Variants in LRBA observed in about 807,000 individuals in gnomAD.
The protein encoded by LRBA is LPS responsive beige-like anchor protein, also known as lipopolysaccharide-responsive and beige-like anchor protein.
A neutral mutation model predicts 330.0 loss-of-function variants in LRBA; 176 were observed. The observed-to-expected ratio is 0.53, with a 90% CI of 0.47 to 0.60. The LOEUF (loss-of-function observed/expected upper bound fraction) is 0.60, where lower values mean the gene tolerates loss of function less well. Among genes scored for constraint, LRBA ranks in the 20% least tolerant of loss-of-function variants. LRBA has a pLI of 0.00. For missense variants in LRBA, 3,259 were observed against 3,444.8 expected, an observed-to-expected ratio of 0.95 and a Z score of 1.35; for synonymous variants, 1,230 against 1,193.0, an observed-to-expected ratio of 1.03 and a Z score of -0.64.
intron 56 of LRBA, among the ~76,000 whole-genome samples, chr4:150,269,207 G>C (rs927342159): frequency 5.9e-5 from 9 of 152,108 alleles, no homozygotes; most frequent in African/African-American, 2.2e-4. Context: ...TCTTGAAAAA[G>C]AAGAAATATG....
At chr4:150,276,820 G>A (rs1177468104) in intron 56 of LRBA, among the ~76,000 whole-genome samples, 4 of 152,184 alleles carry the variant, frequency 2.6e-5, no homozygotes, top group African/African-American at 4.8e-5. Flanking sequence ...CTTTTACATC[G>A]TTGGTGGGAG....
intron 37 of LRBA, among the ~76,000 whole-genome samples, chr4:150,651,738 T>C (rs933910983): frequency 6.6e-6 from 1 of 152,126 alleles, no homozygotes; most frequent in African/African-American, 2.4e-5. Flanking sequence ...GACACAATAT[T>C]CTTCAGTAGG....
intron 28 of LRBA, among the ~76,000 whole-genome samples, chr4:150,840,140 T>A (rs2126868949): frequency 6.6e-6 from 1 of 152,354 alleles, no homozygotes; most frequent in East Asian, 1.9e-4. Flanking sequence ...TTGGCCTAAG[T>A]GTGCCTGGTT....
At chr4:150,738,007 T>TTC (rs1326086621) in intron 35 of LRBA, among the ~76,000 whole-genome samples, 2 of 144,768 alleles carry the variant, frequency 1.4e-5, no homozygotes, top group African/African-American at 2.7e-5. Context: ...TTTTTTTTTT[T>TTC]CTGAGACGAA....
At chr4:150,333,251 AGGGTAGGGGAGAAATAACTTAAACATAT>A (rs571142194) in intron 48 of LRBA, among the ~76,000 whole-genome samples, 179 of 152,222 alleles carry the variant, frequency 1.2e-3, no homozygotes, top group African/African-American at 4.2e-3. Flanking sequence ...TTTAAGATGT[AGGGTAGGGGAGAAATAACTTAAACATAT>A]GGACACAATT....
chr4:150,650,028 C>T (rs1227250193), intron 37 of LRBA, among the ~76,000 whole-genome samples: 1 of 152,124 alleles, frequency 6.6e-6, no homozygotes, highest in Non-Finnish European at 1.5e-5. Context: ...ATTTTTCAGG[C>T]ACACACTTTC....
intron 47 of LRBA, among the ~76,000 whole-genome samples, chr4:150,410,487 C>T (rs142396675): frequency 1.7e-3 from 252 of 152,088 alleles, no homozygotes; most frequent in Non-Finnish European, 2.7e-3. Context: ...ATTTGTGTCA[C>T]CATTATGAAA....
At chr4:150,917,885 T>C (rs915589741) in intron 5 of LRBA, among the ~76,000 whole-genome samples, 1 of 151,710 alleles carries the variant, frequency 6.6e-6, no homozygotes, top group Admixed American at 6.6e-5. Flanking sequence ...GCCGAGATCA[T>C]GCCATTGCAC....
intron 37 of LRBA, among the ~76,000 whole-genome samples, chr4:150,667,036 C>T (rs774199254): frequency 6.6e-6 from 1 of 152,120 alleles, no homozygotes; most frequent in Non-Finnish European, 1.5e-5. Context: ...GCCAGTGTCA[C>T]GTATCTGTTA....
At chr4:150,746,985 A>G (rs1410616195) in intron 35 of LRBA, among the ~76,000 whole-genome samples, 3 of 152,080 alleles carry the variant, frequency 2.0e-5, no homozygotes, top group Non-Finnish European at 2.9e-5. Flanking sequence ...TCTGATAATC[A>G]CTGTATTGTT....
At chr4:150,977,158 G>A (rs1212014823) in intron 2 of LRBA, among the ~76,000 whole-genome samples, 1 of 152,160 alleles carries the variant, frequency 6.6e-6, no homozygotes. Flanking sequence ...AAGTACTTGC[G>A]CCACTCCTCT....
At chr4:150,915,071 G>A (rs899278781) in intron 8 of LRBA, among the ~76,000 whole-genome samples, 1 of 152,054 alleles carries the variant, frequency 6.6e-6, no homozygotes, top group Non-Finnish European at 1.5e-5. Flanking sequence ...GTGTAGCAAA[G>A]GATATGAAAA....
At chr4:150,507,557 C>A (rs550593994) in intron 40 of LRBA, among the ~76,000 whole-genome samples, 1 of 152,262 alleles carries the variant, frequency 6.6e-6, no homozygotes, top group South Asian at 2.1e-4. Flanking sequence ...CCCTTCCTTA[C>A]ACCTTATACA....
At chr4:150,538,883 C>T (rs938726630) in intron 40 of LRBA, among the ~76,000 whole-genome samples, 10 of 151,786 alleles carry the variant, frequency 6.6e-5, no homozygotes, top group African/African-American at 2.4e-4. Context: ...CAGGATCATT[C>T]CTACCCCAAA....
intron 47 of LRBA, among the ~76,000 whole-genome samples, chr4:150,413,440 T>A (rs1453951365): frequency 6.6e-6 from 1 of 152,148 alleles, no homozygotes; most frequent in African/African-American, 2.4e-5. Flanking sequence ...AATGGAATAC[T>A]ATACAGCAAT....
At chr4:150,523,023 G>C (rs1763088771) in intron 40 of LRBA, among the ~76,000 whole-genome samples, 1 of 152,138 alleles carries the variant, frequency 6.6e-6, no homozygotes, top group African/African-American at 2.4e-5. Flanking sequence ...TGATTTCACA[G>C]GTTCACAACT....
At chr4:150,526,261 C>T (rs1415018156) in intron 40 of LRBA, among the ~76,000 whole-genome samples, 1 of 152,176 alleles carries the variant, frequency 6.6e-6, no homozygotes, top group Non-Finnish European at 1.5e-5. Flanking sequence ...ATTATAATGG[C>T]TGTTTTCTGG....
At chr4:150,701,773 C>G (rs968438025) in intron 36 of LRBA, among the ~76,000 whole-genome samples, 1 of 152,158 alleles carries the variant, frequency 6.6e-6, no homozygotes, top group African/African-American at 2.4e-5. Flanking sequence ...TAATACTTTG[C>G]TATCAAGCTA....
chr4:150,334,106 T>C (rs946304945), intron 48 of LRBA, among the ~76,000 whole-genome samples: 1 of 152,146 alleles, frequency 6.6e-6, no homozygotes, highest in African/African-American at 2.4e-5. Context: ...AATTAAAAAG[T>C]AGTATAATGA....
Sources: gnomAD v4.1 joint callset for allele counts (sites outside exome capture counted in the v4.1 genomes callset) on GRCh38, gnomAD v4.1.1 for gene constraint, MANE v1.5 for transcripts, NCBI Gene and HGNC (gene_info 2026-07-23, HGNC 2026-07-21) for gene names.